Variants in AP2A2 observed in about 807,000 individuals in gnomAD.
AP2A2 encodes the protein AP-2 complex subunit alpha-2.
In AP2A2, 32 loss-of-function variants were observed where a neutral mutation model predicts 104.2. That is an observed-to-expected ratio of 0.31 (90% CI 0.23 to 0.41). The LOEUF (loss-of-function observed/expected upper bound fraction) is 0.41, where lower values mean the gene tolerates loss of function less well. Among genes scored for constraint, AP2A2 ranks in the 10% least tolerant of loss-of-function variants. The probability of loss-of-function intolerance (pLI) is 1.00; values close to 1 mark genes in which losing one functional copy is unlikely to be tolerated. For synonymous variants in AP2A2, 539 were observed against 533.3 expected (o/e 1.01, Z -0.15); for missense variants, 912 against 1,261.0 (o/e 0.72, Z 4.19).
chr11:992,759 C>T lies in AP2A2; in HGVS notation c.1452+74C>T. On this transcript the variant is annotated intron_variant, in intron 11 of 21. Coordinates refer to ENST00000448903, the MANE Select transcript of AP2A2 (RefSeq NM_012305.4). This position sits in a 1 kb window ranked among gnomAD's most constrained non-coding sequence, Gnocchi z 6.4. ...AAGGTGAGCAGTGAGTGGTTCCAGC[C>T]TGCCTGCGTGGAGGTGCCGAGGGCC... is the stretch of plus-strand genomic sequence containing the variant. 6.4e-7 allele frequency: 1 copy of T among 1,560,354 alleles called. No homozygotes were observed. Among genetic ancestry groups the T allele is most frequent in the African/African-American group, 1.3e-5 (1 of 74,086 alleles).
At position 972,244 on chromosome 11, in the gene AP2A2, C is replaced by G; in HGVS notation, c.462C>G (p.Val154=). ...AEAFAGEIPK[V]LVAGDTMDSV... ...CCTTCGCCGGGGAGATCCCTAAGGT[C>G]CTCGTAGCCGGGTATGTGCCGGGCT... The change falls in exon 4 of 22, where the codon GTC becomes GTG. Residue 154 remains valine (V), a synonymous_variant. Transcript: ENST00000448903. The G allele has an allele frequency of 1.9e-6, 3 of 1,598,696 alleles. No individual in the cohort carries two copies.
At chr11:1,004,328 C>T (rs1429773324) in intron 16 of AP2A2, among the ~76,000 whole-genome samples, 1 of 152,072 alleles carries the variant, frequency 6.6e-6, no homozygotes, top group Non-Finnish European at 1.5e-5. Context: ...CAAAAATTAG[C>T]TGGGTGTAGT....
intron 1 of AP2A2, chr11:948,376 G>C (rs988271715): frequency 2.6e-5 from 4 of 152,196 alleles, no homozygotes; most frequent in African/African-American, 9.6e-5. Context: ...TTCCTAGAAA[G>C]TCGTGACCGA....
intron 6 of AP2A2, among the ~76,000 whole-genome samples, chr11:983,394 T>C (rs1855320337): frequency 6.6e-6 from 1 of 150,938 alleles, no homozygotes. Flanking sequence ...ATTTATTTAT[T>C]TATTTTGAGA....
intron 9 of AP2A2, 121 bp downstream of exon 9, chr11:987,074 T>C: frequency 8.2e-7 from 1 of 1,214,044 alleles, no homozygotes; most frequent in South Asian, 1.5e-5. Flanking sequence ...GTGCTGGTGC[T>C]GCTGGCCTCC....
intron 1 of AP2A2, among the ~76,000 whole-genome samples, chr11:941,682 G>C (rs902898271): frequency 1.3e-5 from 2 of 151,608 alleles, no homozygotes; most frequent in African/African-American, 2.4e-5. Flanking sequence ...CTGACTCCCA[G>C]GTTCAAGCGA....
intron 2 of AP2A2, among the ~76,000 whole-genome samples, chr11:963,634 C>G (rs547619613): frequency 6.6e-6 from 1 of 152,098 alleles, no homozygotes; most frequent in Non-Finnish European, 1.5e-5. Context: ...ATTGATTGAT[C>G]TATTGATTTA....
At chr11:973,983 T>G (rs192167535) in intron 4 of AP2A2, among the ~76,000 whole-genome samples, 1 of 152,274 alleles carries the variant, frequency 6.6e-6, no homozygotes, top group East Asian at 1.9e-4. Flanking sequence ...ACGTGCAGAT[T>G]GATGAAGTGG....
intron 1 of AP2A2, among the ~76,000 whole-genome samples, chr11:949,301 T>C (rs1853956968): frequency 6.6e-6 from 1 of 151,648 alleles, no homozygotes; most frequent in Non-Finnish European, 1.5e-5. Flanking sequence ...ACCAGTCCTT[T>C]ACAAACTCTT....
chr11:1,006,045 G>T (rs1856190421), intron 16 of AP2A2, among the ~76,000 whole-genome samples: 1 of 152,262 alleles, frequency 6.6e-6, no homozygotes, highest in Non-Finnish European at 1.5e-5. Flanking sequence ...TGCTGTGCTG[G>T]ACGCGTGCCC....
At chr11:971,788 G>A (rs777556496) in intron 3 of AP2A2, among the ~76,000 whole-genome samples, 4 of 152,242 alleles carry the variant, frequency 2.6e-5, no homozygotes, top group African/African-American at 4.8e-5. Context: ...GGGGGGTCCA[G>A]TTCCTGTTGG....
intron 9 of AP2A2, among the ~76,000 whole-genome samples, chr11:988,245 G>A (rs1427867715): frequency 2.0e-5 from 3 of 152,210 alleles, no homozygotes; most frequent in Non-Finnish European, 4.4e-5. Context: ...CAGGCAGTGC[G>A]CTCAGTCCTA....
chr11:933,310 C>G (rs983681916), intron 1 of AP2A2, among the ~76,000 whole-genome samples: 3 of 152,162 alleles, frequency 2.0e-5, no homozygotes, highest in South Asian at 4.1e-4. Context: ...ACAGTTTTTA[C>G]CAGGCCACAT....
At chr11:962,171 A>G (rs1854464958) in intron 2 of AP2A2, among the ~76,000 whole-genome samples, 1 of 152,230 alleles carries the variant, frequency 6.6e-6, no homozygotes, top group African/African-American at 2.4e-5. Context: ...GACCATGACA[A>G]AGCCAGCCTT....
At chr11:1,008,805 G>GA (rs1298632928) in intron 18 of AP2A2, 1 of 451,880 alleles carries the variant, frequency 2.2e-6, no homozygotes, top group Admixed American at 3.9e-5. Context: ...CCTTTTTAAA[G>GA]AAAAAACATC....
rs369880583 is a variant in AP2A2 at position 941,656 on chromosome 11, C to T, written c.67+15568C>T. On this transcript the variant is annotated intron_variant, in intron 1 of 21. Transcript: ENST00000448903. The stretch of plus-strand genomic sequence containing the variant: ...AGGCTGGAGTGCAGTGGCGTGATCT[C>T]GGCTCACTGCAATCTCTGACTCCCA... Among the ~76,000 whole-genome samples, 131 of 145,086 alleles carry T rather than the reference C, an allele frequency of 9.0e-4. 1 individual carries two copies. In the East Asian group the frequency reaches 0.021, roughly 23 times the overall value.
chr11:993,939 C>T lies in AP2A2; in HGVS notation c.1736C>T (p.Ala579Val). Residue 579 changes from alanine to valine, a missense_variant, in exon 13 of 22, where the codon GCT (alanine) becomes GTT (valine). Physicochemically the swap from Ala to Val is moderately conservative, Grantham distance 64. This residue lies in a region of AP2A2 where 137 missense variants were observed against 186.9 expected (regional missense o/e 0.73). Transcript: ENST00000448903. The surrounding 1 kb of genome is among the most constrained non-coding windows in gnomAD (Gnocchi z 8.2). ...RNADVELQQR[A>V]VEYLRLSTVA... is the part of the protein sequence containing the mutation. ...GCAGACGTGGAGCTGCAGCAGCGTG[C>T]TGTGGAGTACCTGCGGCTCAGCACC... 1 of 1,612,532 alleles carries T rather than the reference C, an allele frequency of 6.2e-7. No homozygotes were observed. Among genetic ancestry groups the T allele is most frequent in the Non-Finnish European group, 8.5e-7 (1 of 1,179,814 alleles).
chr11:990,793 T>G (rs181682581), intron 10 of AP2A2, among the ~76,000 whole-genome samples: 843 of 55,910 alleles, frequency 0.015, 25 homozygotes, highest in Admixed American at 0.038. Flanking sequence ...CGTCCTTTCA[T>G]CTGGGCATGG....
intron 1 of AP2A2, among the ~76,000 whole-genome samples, chr11:944,435 C>T (rs780311532): frequency 2.6e-5 from 4 of 152,188 alleles, no homozygotes; most frequent in South Asian, 2.1e-4. Flanking sequence ...TCCGTGTTCA[C>T]ATGGAGCTTG....
Sources: allele counts gnomAD v4.1 joint callset (sites outside exome capture counted in the v4.1 genomes callset), GRCh38; gene constraint gnomAD v4.1.1; regional missense constraint gnomAD v4.1.1; non-coding constraint Gnocchi (gnomAD v3.1); transcripts MANE v1.5; gene names NCBI Gene and HGNC (gene_info 2026-07-23, HGNC 2026-07-21).